BNC2: variants seen among roughly 807,000 people sequenced by gnomAD.
BNC2 encodes the protein basonuclin zinc finger protein 2, also known as zinc finger protein basonuclin-2.
Under a neutral mutation model 76.3 loss-of-function variants are expected in BNC2, and 20 were observed. The ratio of observed to expected loss-of-function variants is 0.26; its 90% CI spans 0.18 to 0.38. The LOEUF is 0.38. Among genes scored for constraint, BNC2 ranks in the 10% least tolerant of loss-of-function variants. The pLI, the probability that BNC2 is intolerant of heterozygous loss-of-function variation, is 1.00. For missense variants in BNC2, 1,382 were observed against 1,399.8 expected, an observed-to-expected ratio of 0.99 and a Z score of 0.20; for synonymous variants, 582 against 514.8, an observed-to-expected ratio of 1.13 and a Z score of -1.77.
At chr9:16,614,977 A>G in intron 3 of BNC2, among the ~76,000 whole-genome samples, 1 of 4,776 alleles carries the variant, frequency 2.1e-4, no homozygotes, top group African/African-American at 2.8e-4. Context: ...AAAAAAAAAA[A>G]AAAAAAAAAA....
intron 1 of BNC2, among the ~76,000 whole-genome samples, chr9:16,785,843 C>T (rs1826278812): frequency 6.6e-6 from 1 of 150,930 alleles, no homozygotes; most frequent in Non-Finnish European, 1.5e-5. Context: ...TAAAAATACA[C>T]AAAAACTTGA....
At chr9:16,641,858 T>C (rs1384964375) in intron 3 of BNC2, among the ~76,000 whole-genome samples, 1 of 152,230 alleles carries the variant, frequency 6.6e-6, no homozygotes, top group African/African-American at 2.4e-5. Context: ...TCCCTTTTTT[T>C]GGAAGATGCC....
At chr9:16,494,624 A>C (rs1203757460) in intron 5 of BNC2, among the ~76,000 whole-genome samples, 1 of 152,206 alleles carries the variant, frequency 6.6e-6, no homozygotes, top group Non-Finnish European at 1.5e-5. Context: ...AGGAACAGCG[A>C]AGAAGCCAGT....
intron 4 of BNC2, among the ~76,000 whole-genome samples, chr9:16,565,386 A>G (rs561722745): frequency 6.6e-6 from 1 of 152,296 alleles, no homozygotes; most frequent in East Asian, 1.9e-4. Context: ...ACATATTACT[A>G]GCACTTTACT....
intron 2 of BNC2, among the ~76,000 whole-genome samples, chr9:16,737,412 G>A (rs377675019): frequency 9.2e-5 from 14 of 151,628 alleles, no homozygotes; most frequent in East Asian, 3.9e-4. Context: ...CACCACGCCC[G>A]GCTAATTTTT....
At chr9:16,519,708 T>C (rs922541665) in intron 5 of BNC2, among the ~76,000 whole-genome samples, 1 of 152,230 alleles carries the variant, frequency 6.6e-6, no homozygotes, top group African/African-American at 2.4e-5. Context: ...TTCTCCAGTT[T>C]TTTCTACAAC....
In BNC2 at chr9:16,732,757, C is replaced by T. The variant is rs191523024; in HGVS notation, c.130-4760G>A. ...ACACACGCTGGTATTCATCTAATGG[C>T]TTGTCAAGACAAAACTGTCCCTGTT... On this transcript the variant is annotated intron_variant, in intron 2 of 6. Coordinates refer to ENST00000380672, the MANE Select transcript of BNC2 (RefSeq NM_017637.6). Among the ~76,000 whole-genome samples the T allele has an allele frequency of 6.9e-4, 105 of 152,302 alleles. 1 individual carries two copies. The highest frequency in any genetic ancestry group is 2.4e-3 in the African/African-American group (101 of 41,560).
chr9:16,801,525 C>T (rs1481193201), intron 1 of BNC2, among the ~76,000 whole-genome samples: 2 of 151,932 alleles, frequency 1.3e-5, no homozygotes, highest in African/African-American at 2.4e-5. Context: ...CGTGAGCCAC[C>T]GTGGCCAGCC....
intron 5 of BNC2, among the ~76,000 whole-genome samples, chr9:16,460,801 GATTGA>G (rs1346489108): frequency 2.0e-5 from 3 of 151,936 alleles, no homozygotes; most frequent in African/African-American, 7.2e-5. Flanking sequence ...TTATTATCAG[GATTGA>G]ATTAAATGAC....
intron 1 of BNC2, among the ~76,000 whole-genome samples, chr9:16,769,822 T>C (rs1003457401): frequency 6.6e-6 from 1 of 152,128 alleles, no homozygotes; most frequent in African/African-American, 2.4e-5. Context: ...TGGGTGGAGC[T>C]TGTCATTGAA....
intron 1 of BNC2, among the ~76,000 whole-genome samples, chr9:16,816,034 T>A (rs1454087642): frequency 6.6e-6 from 1 of 152,144 alleles, no homozygotes; most frequent in Non-Finnish European, 1.5e-5. Context: ...CCCTTGTGTT[T>A]ATTTATTATT....
chr9:16,475,569 A>G (rs973313993), intron 5 of BNC2, among the ~76,000 whole-genome samples: 2 of 152,384 alleles, frequency 1.3e-5, no homozygotes, highest in African/African-American at 2.4e-5. Context: ...CACAAAATGC[A>G]TAATTAAAAG....
At chr9:16,723,705 A>G (rs1824234315) in intron 3 of BNC2, among the ~76,000 whole-genome samples, 1 of 152,062 alleles carries the variant, frequency 6.6e-6, no homozygotes, top group Non-Finnish European at 1.5e-5. Context: ...TATTAGTAAG[A>G]AAGTTTGCTT....
At chr9:16,714,673 T>C (rs1823947251) in intron 3 of BNC2, among the ~76,000 whole-genome samples, 1 of 152,234 alleles carries the variant, frequency 6.6e-6, no homozygotes. Context: ...TGTTCAGTGA[T>C]GCTGTTAAAC....
chr9:16,718,860 C>G (rs996301768), intron 3 of BNC2, among the ~76,000 whole-genome samples: 3 of 152,142 alleles, frequency 2.0e-5, no homozygotes, highest in African/African-American at 7.2e-5. Flanking sequence ...CACCAGCCAA[C>G]CAATGGAGCA....
At chr9:16,512,158 T>C (rs930130023) in intron 5 of BNC2, among the ~76,000 whole-genome samples, 17 of 152,334 alleles carry the variant, frequency 1.1e-4, no homozygotes, top group Admixed American at 2.0e-4. Flanking sequence ...TTAATATTTT[T>C]TCTTTCCTTG....
chr9:16,476,533 T>G (rs1821930925), intron 5 of BNC2, among the ~76,000 whole-genome samples: 2 of 151,756 alleles, frequency 1.3e-5, no homozygotes, highest in African/African-American at 4.9e-5. Context: ...TCTAGATAAC[T>G]TGCTTTTTAA....
chr9:16,736,507 G>C (rs1587365027), intron 2 of BNC2, among the ~76,000 whole-genome samples: 1 of 142,148 alleles, frequency 7.0e-6, no homozygotes. Flanking sequence ...ACAGAGTCTT[G>C]CTCTGTCACC....
chr9:16,521,564 A>G (rs1225878190), intron 5 of BNC2, among the ~76,000 whole-genome samples: 1 of 152,202 alleles, frequency 6.6e-6, no homozygotes, highest in Non-Finnish European at 1.5e-5. Flanking sequence ...TGAAAAGAGT[A>G]ATGTACTCTT....
Sources: gnomAD v4.1 joint callset for allele counts (sites outside exome capture counted in the v4.1 genomes callset) on GRCh38, gnomAD v4.1.1 for gene constraint, MANE v1.5 for transcripts, NCBI Gene and HGNC (gene_info 2026-07-23, HGNC 2026-07-21) for gene names.